Variants in SNAP47 observed in about 807,000 individuals in gnomAD.
SNAP47 encodes the protein synaptosome associated protein 47.
SNAP47 carries 20 observed loss-of-function variants against 31.4 expected under a neutral mutation model. That is an observed-to-expected ratio of 0.64 (90% confidence interval 0.45 to 0.93). SNAP47 has a LOEUF of 0.93. Among genes scored for constraint, SNAP47 ranks in the 40% least tolerant of loss-of-function variants. SNAP47 has a pLI of 0.00. For synonymous variants in SNAP47, 194 were observed against 213.4 expected (o/e 0.91, Z 0.79); for missense variants, 492 against 528.5 (o/e 0.93, Z 0.68).
At chr1:227,775,924 T>A in intron 4 of SNAP47, 1 of 1,301,746 alleles carries the variant, frequency 7.7e-7, no homozygotes, top group Non-Finnish European at 1.0e-6. Flanking sequence ...CAGCCTTTGC[T>A]CAGGGCATGA....
At chr1:227,766,268 G>A (rs774258329) in intron 3 of SNAP47, among the ~76,000 whole-genome samples, 7 of 152,244 alleles carry the variant, frequency 4.6e-5, no homozygotes, top group Admixed American at 1.3e-4. Flanking sequence ...GGGGAGCTGC[G>A]TGTGCTGCAG....
At chr1:227,739,791 C>T (rs917116843) in intron 1 of SNAP47, among the ~76,000 whole-genome samples, 1 of 152,180 alleles carries the variant, frequency 6.6e-6, no homozygotes, top group Admixed American at 6.5e-5. Flanking sequence ...TGGCTGCAGA[C>T]ACCCTTGGGC....
upstream of SNAP47, chr1:227,734,184 C>T (rs1001333782): frequency 8.3e-6 from 7 of 847,514 alleles, no homozygotes; most frequent in Admixed American, 2.9e-5. Flanking sequence ...CTGAGCCAGA[C>T]GCTGCTGGCG....
At chr1:227,728,553 TC>T (rs1660451663), upstream of SNAP47, 1 of 111,752 alleles carries the variant, frequency 8.9e-6, no homozygotes, top group Non-Finnish European at 1.9e-5. Context: ...CGATCCAGCC[TC>T]CCGCCCCCTC....
chr1:227,770,774 G>C (rs1663752090), intron 4 of SNAP47: 1 of 153,048 alleles, frequency 6.5e-6, no homozygotes, highest in South Asian at 2.1e-4. Context: ...TTGAAATAAG[G>C]GTCTTAATCA....
chr1:227,780,774 G>C lies in SNAP47; in HGVS notation c.*101G>C. The C allele has an allele frequency of 6.6e-7, 1 of 1,520,982 alleles. No homozygotes were observed. Among genetic ancestry groups the C allele is most frequent in the Non-Finnish European group, 8.9e-7 (1 of 1,125,848 alleles). 94.2% of individuals were successfully genotyped at this position (1,520,982 alleles called of 1,614,324 possible). On this transcript the variant is annotated 3_prime_UTR_variant, in exon 5 of 5. Transcript: ENST00000617596. ...CTGCAGAGGCCTGTGGCCCTCCGGA[G>C]TGGTCTTCCTCTGGATGGGGCTGCT... is the stretch of plus-strand genomic sequence containing the variant.
chr1:227,742,062 G>C (rs1409852044), intron 1 of SNAP47, among the ~76,000 whole-genome samples: 2 of 149,660 alleles, frequency 1.3e-5, no homozygotes, highest in Non-Finnish European at 3.0e-5. Context: ...TAAGTTTTAG[G>C]GTACGTGTGC....
upstream of SNAP47, chr1:227,733,737 T>C: frequency 1.9e-6 from 3 of 1,597,312 alleles, no homozygotes; most frequent in Admixed American, 5.0e-5. Flanking sequence ...GGGCTTTGCT[T>C]GGCACCCCAG....
chr1:227,751,930 AT>A (rs1306875117), intron 2 of SNAP47, among the ~76,000 whole-genome samples: 1 of 151,578 alleles, frequency 6.6e-6, no homozygotes, highest in Non-Finnish European at 1.5e-5. Flanking sequence ...CGCCTGGCTA[AT>A]TTTTTTGTAT....
chr1:227,779,056 G>A (rs186573342), intron 4 of SNAP47, among the ~76,000 whole-genome samples: 2 of 152,356 alleles, frequency 1.3e-5, no homozygotes, highest in East Asian at 3.9e-4. Context: ...CAGAGGGGCT[G>A]GGCAGCTGGC....
intron 3 of SNAP47, 67 bp downstream of exon 3, chr1:227,759,552 C>G (rs1662934024): frequency 1.3e-6 from 2 of 1,561,194 alleles, no homozygotes; most frequent in African/African-American, 1.4e-5. Flanking sequence ...CTCAGCACGC[C>G]TGTGGGAAAT....
intron 4 of SNAP47, among the ~76,000 whole-genome samples, chr1:227,772,237 T>C (rs1434326517): frequency 6.6e-6 from 1 of 152,118 alleles, no homozygotes; most frequent in African/African-American, 2.4e-5. Context: ...ATTTTGCCAT[T>C]TTAACCATTT....
At chr1:227,749,762 G>A (rs1558196970) in intron 2 of SNAP47, among the ~76,000 whole-genome samples, 1 of 127,052 alleles carries the variant, frequency 7.9e-6, no homozygotes, top group Non-Finnish European at 1.8e-5. Context: ...GTGTGTGTCT[G>A]TGTGTCGTCT....
At chr1:227,737,955 A>G (rs180704556) in intron 1 of SNAP47, among the ~76,000 whole-genome samples, 2 of 152,232 alleles carry the variant, frequency 1.3e-5, no homozygotes, top group Admixed American at 6.5e-5. Flanking sequence ...AGTTGCAGAG[A>G]AAGAATCACC....
At chr1:227,778,069 A>T (rs1383156796) in intron 4 of SNAP47, among the ~76,000 whole-genome samples, 1 of 152,276 alleles carries the variant, frequency 6.6e-6, no homozygotes, top group African/African-American at 2.4e-5. Flanking sequence ...ATGTACTTTA[A>T]TCCCAAATTT....
chr1:227,771,931 C>T (rs371380676), intron 4 of SNAP47, among the ~76,000 whole-genome samples: 50 of 152,196 alleles, frequency 3.3e-4, no homozygotes, highest in African/African-American at 1.0e-3. Flanking sequence ...TGCTGAGGGC[C>T]GGAGGCCAGC....
rs796990347 is a variant in SNAP47 at position 227,736,659 on chromosome 1, C to T, written c.-46+1160C>T. 1.0e-4 allele frequency among the ~76,000 whole-genome samples: 15 copies of T among 150,374 alleles called. 1 individual carries two copies. Among genetic ancestry groups the T allele is most frequent in the African/African-American group, 3.7e-4 (15 of 41,032 alleles). On this transcript the variant is annotated intron_variant, in intron 1 of 4. Transcript: ENST00000617596. Reference sequence around the variant, plus strand: ...GGACTACAGGCATGAGCCACTATGCCCAGCTTAGTTTTGTTTTTTTGTTTT... The same window carrying T: ...GGACTACAGGCATGAGCCACTATGCTCAGCTTAGTTTTGTTTTTTTGTTTT...
rs563301290 is a variant in SNAP47, at chr1:227,757,609, A to G, written c.498-1386A>G. Among the ~76,000 whole-genome samples the G allele has an allele frequency of 9.2e-5, 14 of 152,316 alleles. No individual in the cohort carries two copies. The South Asian group carries it at 1.5e-3, about 16-fold the overall frequency. ...TCATATAATGTCTTCCCATTGATGT[A>G]TGGGATACTGAAGCCAACGGCAGGT... is the stretch of plus-strand genomic sequence containing the variant. On this transcript the variant is annotated intron_variant, in intron 2 of 4. Transcript: ENST00000617596.
intron 1 of SNAP47, among the ~76,000 whole-genome samples, chr1:227,747,349 C>T (rs760973179): frequency 2.0e-5 from 3 of 152,182 alleles, no homozygotes; most frequent in Non-Finnish European, 4.4e-5. Context: ...CCTCAAGTCT[C>T]GTCCAGCAGT....
Sources: allele counts gnomAD v4.1 joint callset (sites outside exome capture counted in the v4.1 genomes callset), GRCh38; gene constraint gnomAD v4.1.1; transcripts MANE v1.5; gene names NCBI Gene and HGNC (gene_info 2026-07-23, HGNC 2026-07-21).